Variants in TSPEAR observed in about 807,000 individuals in gnomAD.
TSPEAR encodes the protein thrombospondin type laminin G domain and EAR repeats.
TSPEAR carries 69 observed loss-of-function variants against 71.6 expected under a neutral mutation model. The ratio of observed to expected loss-of-function variants is 0.96; its 90% CI spans 0.79 to 1.18. The LOEUF (loss-of-function observed/expected upper bound fraction) is 1.18. Among genes scored for constraint, TSPEAR ranks in the 50% most tolerant of loss-of-function variants. TSPEAR has a pLI of 0.00. For missense variants in TSPEAR, 971 were observed against 894.9 expected (o/e 1.09, Z -1.09); for synonymous variants, 402 against 387.2 (o/e 1.04, Z -0.45).
chr21:44,533,943 C>T lies in TSPEAR; in HGVS notation c.304-20G>A, dbSNP rs1440609758. The T allele has an allele frequency of 6.3e-7, 1 of 1,583,058 alleles. No individual in the cohort carries two copies. The highest frequency in any genetic ancestry group is 8.6e-7 in the Non-Finnish European group (1 of 1,156,630). On this transcript the variant is annotated intron_variant, in intron 2 of 11. Coordinates refer to ENST00000323084, the MANE Select transcript of TSPEAR (RefSeq NM_144991.3). The stretch of plus-strand genomic sequence containing the variant: ...GTTCCTCTGTGGAGAGCGGGCCAGG[C>T]TCAGGACGGGGCTGGGGGTAGGGGT...
rs915020828 is a variant in TSPEAR, at chr21:44,711,071, G to A, written c.82+362C>T. ...AATGGCTCGTGCACAGTAGCCTCCCGGGCTGCTGCGACTTCATTCTTCATT... is the reference window on the plus strand; with the variant it reads ...AATGGCTCGTGCACAGTAGCCTCCCAGGCTGCTGCGACTTCATTCTTCATT... On this transcript the variant is annotated intron_variant, in intron 1 of 11. Transcript: ENST00000323084. The surrounding 1 kb of genome is among the most constrained non-coding windows in gnomAD (Gnocchi z 4.5). Among the ~76,000 whole-genome samples the A allele has an allele frequency of 1.1e-4, 17 of 152,184 alleles. No individual in the cohort carries two copies. Among genetic ancestry groups the A allele is most frequent in the South Asian group, 2.1e-4 (1 of 4,836 alleles).
intron 10 of TSPEAR, chr21:44,508,721 C>G (rs1380071610): frequency 8.1e-7 from 1 of 1,240,302 alleles, no homozygotes; most frequent in Non-Finnish European, 1.0e-6. Context: ...ACATCTGTCT[C>G]AACAGGCCAG....
Position 44,567,932 on chromosome 21 carries a change from C to T in TSPEAR, c.156G>A (p.Gln52=). 5 of 1,599,558 alleles carry T rather than the reference C, an allele frequency of 3.1e-6. No individual in the cohort carries two copies. Among genetic ancestry groups the T allele is most frequent in the Non-Finnish European group, 4.3e-6 (5 of 1,170,990 alleles). The change falls in exon 2 of 12, where the codon CAG becomes CAA. Residue 52 remains glutamine, a synonymous_variant. Coordinates refer to ENST00000323084, the MANE Select transcript of TSPEAR (RefSeq NM_144991.3). Reference sequence around the variant, plus strand: ...GCTGGAGTCCCCGTGCACCGTGAACCTGAACTATCCTGATCCCGCTTGTGG... The same window carrying T: ...GCTGGAGTCCCCGTGCACCGTGAACTTGAACTATCCTGATCCCGCTTGTGG... ...DGATSGIRIV[Q]VHGARGLQLS...
At chr21:44,597,114 C>G (rs372925933) in intron 1 of TSPEAR, among the ~76,000 whole-genome samples, 8 of 152,170 alleles carry the variant, frequency 5.3e-5, no homozygotes, top group Admixed American at 2.0e-4. Flanking sequence ...ACATCCCCCA[C>G]TATGATTTTC....
At chr21:44,608,803 A>C (rs1156485594) in intron 1 of TSPEAR, among the ~76,000 whole-genome samples, 1 of 152,274 alleles carries the variant, frequency 6.6e-6, no homozygotes, top group Non-Finnish European at 1.5e-5. Context: ...ATTTCTTTAG[A>C]AAGTTGTTGG....
In TSPEAR at chr21:44,567,880, T is replaced by C; in HGVS notation, c.208A>G (p.Ser70Gly). The C allele has an allele frequency of 6.2e-7, 1 of 1,608,380 alleles. No homozygotes were observed. Among genetic ancestry groups the C allele is most frequent in the Non-Finnish European group, 8.5e-7 (1 of 1,176,436 alleles). ...QLSVAAPRTM[S>G]FPASRIFSQC... ...GAGAAAATCCTGGATGCTGGGAAGCTCATGGTGCGGGGGGCGGCTACTGAG... is the reference window on the plus strand; with the variant it reads ...GAGAAAATCCTGGATGCTGGGAAGCCCATGGTGCGGGGGGCGGCTACTGAG... The change falls in exon 2 of 12, where the codon AGC becomes GGC. Residue 70 changes from serine to glycine, a missense_variant. Physicochemically the swap from Ser to Gly is moderately conservative, Grantham distance 56. Coordinates refer to ENST00000323084, the MANE Select transcript of TSPEAR (RefSeq NM_144991.3).
At chr21:44,701,990 C>T (rs1987671361) in intron 1 of TSPEAR, among the ~76,000 whole-genome samples, 1 of 152,182 alleles carries the variant, frequency 6.6e-6, no homozygotes, top group Admixed American at 6.5e-5. Flanking sequence ...TCCACGTTCT[C>T]TGTCTTCTAT....
chr21:44,590,808 G>A lies in TSPEAR; in HGVS notation c.83-22803C>T, dbSNP rs1979742945. 3.9e-5 allele frequency among the ~76,000 whole-genome samples: 6 copies of A among 152,060 alleles called. No homozygotes were observed. In the South Asian group the frequency reaches 1.2e-3, roughly 31 times the overall value. ...GGGTCCACTTTGTCCCGAAACTCCTGGCCTTGGTTCCAGAGGCAGCTTTCC... is the reference window on the plus strand; with the variant it reads ...GGGTCCACTTTGTCCCGAAACTCCTAGCCTTGGTTCCAGAGGCAGCTTTCC... On this transcript the variant is annotated intron_variant, in intron 1 of 11. Transcript: ENST00000323084.
chr21:44,499,952 C>T lies in TSPEAR; in HGVS notation c.1857-16G>A, dbSNP rs587664143. On this transcript the variant is annotated splice_polypyrimidine_tract_variant and intron_variant, in intron 11 of 11. Transcript: ENST00000323084. ...GCCCTGCCACCTGCGGAACAGACAG[C>T]GGCAGCCGGGTCAGCCTGGGCTCTG... 6.3e-6 allele frequency: 10 copies of T among 1,594,524 alleles called. No individual in the cohort carries two copies. The highest frequency in any genetic ancestry group is 5.2e-5 in the Admixed American group (3 of 58,064).
rs149807012 is a variant in TSPEAR, at chr21:44,651,344, G to C, written c.82+60089C>G. Among the ~76,000 whole-genome samples the C allele has an allele frequency of 1.9e-3, 295 of 152,342 alleles. 1 individual carries two copies. The highest frequency in any genetic ancestry group is 0.014 in the Middle Eastern group (4 of 294). Reference sequence around the variant, plus strand: ...TGTAGAAACACCAGGCTGTGAGACAGAGAAGTTGGATGTGTGTCCTGTGGC... The same window carrying C: ...TGTAGAAACACCAGGCTGTGAGACACAGAAGTTGGATGTGTGTCCTGTGGC... On this transcript the variant is annotated intron_variant, in intron 1 of 11. Transcript: ENST00000323084.
chr21:44,612,690 G>A lies in TSPEAR; in HGVS notation c.83-44685C>T, dbSNP rs781897147. The A allele has an allele frequency of 3.7e-6, 6 of 1,613,824 alleles. No homozygotes were observed. The highest frequency in any genetic ancestry group is 4.2e-6 in the Non-Finnish European group (5 of 1,179,916). On this transcript the variant is annotated intron_variant, in intron 1 of 11. Transcript: ENST00000323084. The surrounding 1 kb of genome is among the most constrained non-coding windows in gnomAD (Gnocchi z 4.1). ...CAGAAGTCTAGCTGCCAGCCGGCTTGCTGCACCACCTCCTGCTGCAGACCC... is the reference window on the plus strand; with the variant it reads ...CAGAAGTCTAGCTGCCAGCCGGCTTACTGCACCACCTCCTGCTGCAGACCC...
intron 1 of TSPEAR, chr21:44,658,044 C>T: frequency 6.2e-7 from 1 of 1,613,934 alleles, no homozygotes; most frequent in Non-Finnish European, 8.5e-7. Context: ...CCCTGCCAGG[C>T]ATCCTGCTAT....
At chr21:44,676,659 C>G (rs1163817369) in intron 1 of TSPEAR, 1 of 770,008 alleles carries the variant, frequency 1.3e-6, no homozygotes, top group African/African-American at 1.7e-5. Context: ...GGACATCTCA[C>G]AAGTGATCAG....
Position 44,503,074 on chromosome 21 carries a change from C to T in TSPEAR, c.1856+1706G>A, listed in dbSNP as rs587680407. Among the ~76,000 whole-genome samples the T allele has an allele frequency of 7.4e-3, 1,000 of 135,138 alleles. 39 individuals carry two copies. The highest frequency in any genetic ancestry group is 0.027 in the African/African-American group (864 of 32,238). The allele number at this position is 135,138 out of a possible 152,430, so 88.7% of individuals were successfully genotyped here. A position where few individuals can be genotyped will look rare whatever the true frequency, so the allele number is the denominator to read the frequency against. On this transcript the variant is annotated intron_variant, in intron 11 of 11. Transcript: ENST00000323084. ...CTGGGAGGAAGCTGGCCTCGGTGAG[C>T]CCTCAGGGGGAAGCAAGACTCTGGG...
intron 1 of TSPEAR, among the ~76,000 whole-genome samples, chr21:44,680,503 A>G (rs1220834172): frequency 1.3e-5 from 2 of 152,216 alleles, no homozygotes; most frequent in African/African-American, 4.8e-5. Flanking sequence ...CAGAAAACTA[A>G]AATAAAACTA....
chr21:44,710,316 G>C lies in TSPEAR; in HGVS notation c.82+1117C>G, dbSNP rs1445017186. On this transcript the variant is annotated intron_variant, in intron 1 of 11. Transcript: ENST00000323084. This position sits in a 1 kb window ranked among gnomAD's most constrained non-coding sequence, Gnocchi z 4.6. ...TGTCCCCAACACCCAGGCAGTAATG[G>C]TTCCAGCACGGAAGGTCTACCTACC... Among the ~76,000 whole-genome samples the C allele has an allele frequency of 1.3e-5, 2 of 152,152 alleles. No individual in the cohort carries two copies. Among genetic ancestry groups the C allele is most frequent in the African/African-American group, 4.8e-5 (2 of 41,444 alleles).
rs1421342413 is a variant in TSPEAR at position 44,691,082 on chromosome 21, G to A, written c.82+20351C>T. 1.1e-4 allele frequency among the ~76,000 whole-genome samples: 15 copies of A among 142,702 alleles called. No homozygotes were observed. In the South Asian group the frequency reaches 1.3e-3, roughly 13 times the overall value. The allele number at this position is 142,702 out of a possible 152,430, so 93.6% of individuals were successfully genotyped here. The stretch of plus-strand genomic sequence containing the variant: ...CCCTCCCTTCCCTTCATCTCCCCTC[G>A]CCTCCTCTCCCCTTCTCTCCTCTCT... On this transcript the variant is annotated intron_variant, in intron 1 of 11. Coordinates refer to ENST00000323084, the MANE Select transcript of TSPEAR (RefSeq NM_144991.3).
At chr21:44,683,123 C>T (rs566862219) in intron 1 of TSPEAR, among the ~76,000 whole-genome samples, 2 of 151,954 alleles carry the variant, frequency 1.3e-5, no homozygotes, top group Non-Finnish European at 2.9e-5. Context: ...TAGGCCAGCC[C>T]GAACAAAGCC....
Position 44,627,930 on chromosome 21 carries a change from C to T in TSPEAR, c.83-59925G>A, listed in dbSNP as rs587652789. Reference sequence around the variant, plus strand: ...TGCCCGTCTCCTCCTGCTGTGCCCCCACCTCCTCCCGCCAGCCCAGCTATT... The same window carrying T: ...TGCCCGTCTCCTCCTGCTGTGCCCCTACCTCCTCCCGCCAGCCCAGCTATT... On this transcript the variant is annotated intron_variant, in intron 1 of 11. Transcript: ENST00000323084. 1.1e-4 allele frequency: 161 copies of T among 1,519,446 alleles called. 1 individual carries two copies. The highest frequency in any genetic ancestry group is 7.3e-4 in the African/African-American group (53 of 72,714). 94.1% of individuals were successfully genotyped at this position (1,519,446 alleles called of 1,614,324 possible). A position where few individuals can be genotyped will look rare whatever the true frequency, so the allele number is the denominator to read the frequency against.
Sources: gnomAD v4.1 joint callset for allele counts (sites outside exome capture counted in the v4.1 genomes callset) on GRCh38, gnomAD v4.1.1 for gene constraint, Gnocchi (gnomAD v3.1) non-coding constraint, MANE v1.5 for transcripts, NCBI Gene and HGNC (gene_info 2026-07-23, HGNC 2026-07-21) for gene names.